The following GPC5 variants were observed in gnomAD, a reference collection of about 807,000 sequenced individuals.
GPC5 encodes glypican-5.
A neutral mutation model predicts 53.9 loss-of-function variants in GPC5; 47 were observed. That is an observed-to-expected ratio of 0.87 (90% CI 0.69 to 1.11). The LOEUF (loss-of-function observed/expected upper bound fraction) is 1.11. Ranked by LOEUF, GPC5 falls within the 50% of genes most tolerant of loss-of-function variation. The pLI is 0.00. For missense variants in GPC5, 748 were observed against 713.1 expected (o/e 1.05, Z -0.56); for synonymous variants, 286 against 263.3 (o/e 1.09, Z -0.84).
At chr13:92,820,734 A>G (rs1877646723) in intron 7 of GPC5, among the ~76,000 whole-genome samples, 1 of 152,136 alleles carries the variant, frequency 6.6e-6, no homozygotes, top group African/African-American at 2.4e-5. Context: ...TACCTAGAAC[A>G]TGTATTTTCC....
rs181896462 is a variant in GPC5, at chr13:92,543,568, C to T, written c.1562-322714C>T. ...TCTCAGTGACAATGGCACCATTTTC[C>T]TAGGATGCAGGGTGCCACTTCAGTT... On this transcript the variant is annotated intron_variant, in intron 7 of 7. Coordinates refer to ENST00000377067, the MANE Select transcript of GPC5 (RefSeq NM_004466.6). Among the ~76,000 whole-genome samples the T allele has an allele frequency of 3.2e-4, 48 of 151,988 alleles. 1 individual carries two copies. In the East Asian group the frequency reaches 8.8e-3, roughly 28 times the overall value.
intron 7 of GPC5, among the ~76,000 whole-genome samples, chr13:92,824,005 T>A (rs1040774125): frequency 6.6e-6 from 1 of 152,086 alleles, no homozygotes; most frequent in Non-Finnish European, 1.5e-5. Context: ...AGTCATCCCA[T>A]CCTACCTATA....
chr13:92,024,742 G>T (rs377686844), intron 6 of GPC5, among the ~76,000 whole-genome samples: 1 of 152,044 alleles, frequency 6.6e-6, no homozygotes, highest in African/African-American at 2.4e-5. Flanking sequence ...ACTTATTGGT[G>T]CTTTTTATTC....
At chr13:91,672,361 G>T (rs1051281520) in intron 2 of GPC5, among the ~76,000 whole-genome samples, 1 of 152,142 alleles carries the variant, frequency 6.6e-6, no homozygotes, top group Non-Finnish European at 1.5e-5. Context: ...CTAATGTCCA[G>T]AATTTACAAG....
At chr13:91,748,000 AC>A (rs2037088746) in intron 4 of GPC5, among the ~76,000 whole-genome samples, 1 of 152,096 alleles carries the variant, frequency 6.6e-6, no homozygotes, top group Non-Finnish European at 1.5e-5. Flanking sequence ...CTTGCAGAAA[AC>A]CCAAATGCTC....
intron 6 of GPC5, among the ~76,000 whole-genome samples, chr13:92,031,610 C>A (rs1248623889): frequency 7.1e-6 from 1 of 140,208 alleles, no homozygotes; most frequent in Non-Finnish European, 1.5e-5. Flanking sequence ...TTTGCAATTG[C>A]AAAAATATGG....
chr13:92,422,135 T>G lies in GPC5; in HGVS notation c.1561+277146T>G, dbSNP rs553971711. Among the ~76,000 whole-genome samples the G allele has an allele frequency of 3.3e-5, 5 of 152,186 alleles. No homozygotes were observed. The East Asian group carries it at 9.7e-4, about 30-fold the overall frequency. On this transcript the variant is annotated intron_variant, in intron 7 of 7. Transcript: ENST00000377067. ...TTCCCAAACAAATCTTGCCACCATT[T>G]TTTTTCAAGCCCTGCTTCCATTCCA...
intron 7 of GPC5, among the ~76,000 whole-genome samples, chr13:92,659,551 T>C (rs937308723): frequency 6.6e-6 from 1 of 152,172 alleles, no homozygotes; most frequent in East Asian, 1.9e-4. Context: ...GTGTGTGTTA[T>C]ATAGACACTT....
intron 5 of GPC5, among the ~76,000 whole-genome samples, chr13:91,865,112 T>C (rs1485883504): frequency 6.6e-6 from 1 of 152,026 alleles, no homozygotes; most frequent in Admixed American, 6.6e-5. Flanking sequence ...GGTTTCACGA[T>C]ATTGGCCAGG....
intron 1 of GPC5, among the ~76,000 whole-genome samples, chr13:91,442,137 C>T (rs1207630058): frequency 6.6e-6 from 1 of 152,120 alleles, no homozygotes; most frequent in African/African-American, 2.4e-5. Context: ...AAATGTATGG[C>T]TTAATAAGTT....
chr13:92,234,628 G>A (rs2042556948), intron 7 of GPC5, among the ~76,000 whole-genome samples: 1 of 151,784 alleles, frequency 6.6e-6, no homozygotes, highest in Admixed American at 6.6e-5. Context: ...GCGGTGGTGG[G>A]GGGGTGCATT....
chr13:91,415,743 G>A (rs1234838512), intron 1 of GPC5, among the ~76,000 whole-genome samples: 1 of 146,404 alleles, frequency 6.8e-6, no homozygotes, highest in Non-Finnish European at 1.5e-5. Flanking sequence ...CTTTTTGCGG[G>A]GGTGGGGGGG....
At chr13:92,392,071 AC>A (rs1232190362) in intron 7 of GPC5, among the ~76,000 whole-genome samples, 2 of 152,248 alleles carry the variant, frequency 1.3e-5, no homozygotes, top group African/African-American at 4.8e-5. Context: ...AGAATTAAGC[AC>A]CAAAATTGGC....
intron 7 of GPC5, among the ~76,000 whole-genome samples, chr13:92,263,545 C>T (rs1362984657): frequency 6.6e-6 from 1 of 152,114 alleles, no homozygotes; most frequent in Non-Finnish European, 1.5e-5. Context: ...TACATTTCTT[C>T]TTGTCCTGTC....
intron 3 of GPC5, among the ~76,000 whole-genome samples, chr13:91,727,028 T>C (rs183604028): frequency 6.6e-6 from 1 of 152,334 alleles, no homozygotes; most frequent in East Asian, 1.9e-4. Context: ...AAATGCACAG[T>C]GTAGTTGCTA....
At chr13:92,292,410 T>C (rs2043003013) in intron 7 of GPC5, among the ~76,000 whole-genome samples, 1 of 152,236 alleles carries the variant, frequency 6.6e-6, no homozygotes, top group South Asian at 2.1e-4. Context: ...GGTTTTGATT[T>C]GCATTTCCCT....
intron 7 of GPC5, among the ~76,000 whole-genome samples, chr13:92,406,419 G>T (rs1263543420): frequency 6.6e-6 from 1 of 152,092 alleles, no homozygotes; most frequent in African/African-American, 2.4e-5. Context: ...AAAGCAATGA[G>T]AAATTTTCTT....
At chr13:92,604,110 G>A (rs1167203375) in intron 7 of GPC5, among the ~76,000 whole-genome samples, 2 of 152,122 alleles carry the variant, frequency 1.3e-5, no homozygotes, top group African/African-American at 2.4e-5. Flanking sequence ...TAAATTGCAT[G>A]TTAACTAAAA....
chr13:92,751,752 A>ATAAAAAC (rs1462485675), intron 7 of GPC5, among the ~76,000 whole-genome samples: 3 of 152,008 alleles, frequency 2.0e-5, no homozygotes, highest in Admixed American at 6.6e-5. Context: ...ATAAAAAAAA[A>ATAAAAAC]TAAAAAATAA....
Sources: gnomAD v4.1 joint callset for allele counts (sites outside exome capture counted in the v4.1 genomes callset) on GRCh38, gnomAD v4.1.1 for gene constraint, MANE v1.5 for transcripts, NCBI Gene and HGNC (gene_info 2026-07-23, HGNC 2026-07-21) for gene names.